Variants in PRR16 observed in about 807,000 individuals in gnomAD.
PRR16 encodes protein Largen.
A neutral mutation model predicts 18.2 loss-of-function variants in PRR16; 6 were observed. The ratio of observed to expected loss-of-function variants is 0.33; its 90% CI spans 0.18 to 0.65. PRR16 has a LOEUF of 0.65. Among genes scored for constraint, PRR16 ranks in the 30% least tolerant of loss-of-function variants. The pLI is 0.74. For synonymous variants in PRR16, 151 were observed against 147.8 expected (o/e 1.02, Z -0.16); for missense variants, 412 against 376.6 (o/e 1.09, Z -0.78).
intron 1 of PRR16, among the ~76,000 whole-genome samples, chr5:120,555,757 G>T (rs1287890423): frequency 6.7e-6 from 1 of 148,468 alleles, no homozygotes; most frequent in South Asian, 2.1e-4. Flanking sequence ...TAAGTTCCTG[G>T]TTTTTCCAAA....
At chr5:120,535,722 T>C (rs1333935100) in intron 1 of PRR16, among the ~76,000 whole-genome samples, 1 of 151,784 alleles carries the variant, frequency 6.6e-6, no homozygotes, top group Non-Finnish European at 1.5e-5. Context: ...ATTGCTTGAG[T>C]CTGGGAGGCG....
chr5:120,501,366 T>C (rs1216112910), intron 1 of PRR16, among the ~76,000 whole-genome samples: 1 of 152,170 alleles, frequency 6.6e-6, no homozygotes, highest in African/African-American at 2.4e-5. Context: ...TTGCCAGATA[T>C]TTCTTTTGTC....
At chr5:120,717,048 A>C in the PRR16 span, among the ~76,000 whole-genome samples, 2 of 152,260 alleles carry the variant, frequency 1.3e-5, no homozygotes, top group East Asian at 3.9e-4. Context: ...ACAATCTAAC[A>C]ATTTTTTGTG....
chr5:120,539,706 A>G (rs1751847035), intron 1 of PRR16, among the ~76,000 whole-genome samples: 1 of 152,162 alleles, frequency 6.6e-6, no homozygotes, highest in Non-Finnish European at 1.5e-5. Context: ...CTGTGTCAGT[A>G]AAAAAGGGTG....
At chr5:120,666,621 G>C (rs903753315) in intron 1 of PRR16, among the ~76,000 whole-genome samples, 3 of 152,080 alleles carry the variant, frequency 2.0e-5, no homozygotes, top group Non-Finnish European at 2.9e-5. Flanking sequence ...TTATTATTTT[G>C]AGCTATGTCC....
chr5:120,627,700 C>T (rs1754912425), intron 1 of PRR16, among the ~76,000 whole-genome samples: 1 of 152,030 alleles, frequency 6.6e-6, no homozygotes, highest in African/African-American at 2.4e-5. Context: ...AGAAGAGAGC[C>T]ACCCTGCTGC....
intron 1 of PRR16, among the ~76,000 whole-genome samples, chr5:120,471,189 T>G (rs1224352023): frequency 6.6e-6 from 1 of 152,158 alleles, no homozygotes; most frequent in Non-Finnish European, 1.5e-5. Context: ...AAATTAGACC[T>G]TGCAATTTAA....
intron 1 of PRR16, among the ~76,000 whole-genome samples, chr5:120,468,173 G>T (rs1749162738): frequency 1.3e-5 from 2 of 152,060 alleles, no homozygotes; most frequent in Non-Finnish European, 2.9e-5. Context: ...CTTTGATGAA[G>T]AAATAAGCTT....
At chr5:120,550,633 C>T (rs777191839) in intron 1 of PRR16, among the ~76,000 whole-genome samples, 4 of 152,024 alleles carry the variant, frequency 2.6e-5, no homozygotes, top group Non-Finnish European at 5.9e-5. Context: ...TATGGAGTGA[C>T]TTCCCCACTG....
intron 1 of PRR16, among the ~76,000 whole-genome samples, chr5:120,647,681 G>A (rs1755644555): frequency 6.6e-6 from 1 of 151,800 alleles, no homozygotes; most frequent in Non-Finnish European, 1.5e-5. Flanking sequence ...ATTGCTTTTG[G>A]CTTACTTCTG....
intron 1 of PRR16, among the ~76,000 whole-genome samples, chr5:120,568,259 G>T (rs528504282): frequency 6.6e-6 from 1 of 152,212 alleles, no homozygotes; most frequent in African/African-American, 2.4e-5. Flanking sequence ...AAGGACTCCA[G>T]TCCCACTCAG....
intron 1 of PRR16, among the ~76,000 whole-genome samples, chr5:120,660,204 A>T (rs899149802): frequency 1.1e-4 from 16 of 152,124 alleles, no homozygotes; most frequent in Admixed American, 1.1e-3. Flanking sequence ...GTCCTCAAAC[A>T]TATATGTTAC....
At chr5:120,506,432 G>A (rs192107815) in intron 1 of PRR16, among the ~76,000 whole-genome samples, 17 of 152,008 alleles carry the variant, frequency 1.1e-4, no homozygotes, top group Middle Eastern at 3.4e-3. Context: ...TAAATATAAC[G>A]TAAGCTCAAC....
intron 1 of PRR16, among the ~76,000 whole-genome samples, chr5:120,516,257 C>G (rs1176385266): frequency 6.6e-6 from 1 of 152,016 alleles, no homozygotes; most frequent in African/African-American, 2.4e-5. Context: ...AACGCCATCT[C>G]TACCAAAAAA....
At chr5:120,698,579 T>G in the PRR16 span, among the ~76,000 whole-genome samples, 3 of 150,134 alleles carry the variant, frequency 2.0e-5, no homozygotes, top group Non-Finnish European at 3.0e-5. Context: ...AGACAGAAGA[T>G]AGTAGGGATG....
the PRR16 span, among the ~76,000 whole-genome samples, chr5:120,716,971 G>C: frequency 1.3e-5 from 2 of 152,142 alleles, no homozygotes; most frequent in African/African-American, 4.8e-5. Flanking sequence ...TTAGCATTTA[G>C]TCTATACCAG....
intron 1 of PRR16, among the ~76,000 whole-genome samples, chr5:120,579,390 A>G (rs1171427491): frequency 6.6e-6 from 1 of 152,168 alleles, no homozygotes; most frequent in Non-Finnish European, 1.5e-5. Flanking sequence ...TTTGGGTTAT[A>G]CATTTAAGTC....
chr5:120,469,934 AATAG>A (rs909619317), intron 1 of PRR16, among the ~76,000 whole-genome samples: 3 of 152,210 alleles, frequency 2.0e-5, no homozygotes, highest in Non-Finnish European at 2.9e-5. Context: ...GCCTTAAAGT[AATAG>A]ATAGTGTGTT....
the PRR16 span, among the ~76,000 whole-genome samples, chr5:120,713,578 T>C: frequency 6.6e-6 from 1 of 152,182 alleles, no homozygotes; most frequent in Admixed American, 6.6e-5. Context: ...AAAACTTGTG[T>C]GATTAAACCA....
Sources: gnomAD v4.1 joint callset for allele counts (sites outside exome capture counted in the v4.1 genomes callset) on GRCh38, gnomAD v4.1.1 for gene constraint, MANE v1.5 for transcripts, NCBI Gene and HGNC (gene_info 2026-07-23, HGNC 2026-07-21) for gene names.